Variants in SIN3B observed in about 807,000 individuals in gnomAD.
SIN3B encodes the protein paired amphipathic helix protein Sin3b.
In SIN3B, 19 loss-of-function variants were observed where a neutral mutation model predicts 120.2. That is an observed-to-expected ratio of 0.16 (90% CI 0.11 to 0.23). The LOEUF is 0.23. Among genes scored for constraint, SIN3B ranks in the 10% least tolerant of loss-of-function variants. The probability of loss-of-function intolerance (pLI) is 1.00; values close to 1 mark genes in which losing one functional copy is unlikely to be tolerated. For missense variants in SIN3B, 1,073 were observed against 1,573.0 expected, an observed-to-expected ratio of 0.68 and a Z score of 5.38; for synonymous variants, 654 against 653.2, an observed-to-expected ratio of 1.00 and a Z score of -0.02.
chr19:16,878,635 C>T lies in SIN3B; in HGVS notation c.3301C>T (p.Pro1101Ser), dbSNP rs759707633. 10 of 1,613,418 alleles carry T rather than the reference C, an allele frequency of 6.2e-6. No homozygotes were observed. In the South Asian group the frequency reaches 8.8e-5, roughly 14 times the overall value. The change falls in exon 19 of 19, where the codon CCC (proline) becomes TCC (serine). Residue 1101 changes from proline to serine, a missense_variant. This residue lies in a region of SIN3B where 311 missense variants were observed against 400.3 expected (regional missense o/e 0.78). Transcript: ENST00000248054. ...GGGTGAGGAGGACGAGGACATGGTA[C>T]CCTGCAAGACGCTGTGTGAGACAGT... ...LMGEEDEDMV[P>S]CKTLCETVHV...
intron 8 of SIN3B, among the ~76,000 whole-genome samples, chr19:16,859,701 G>A (rs1009854663): frequency 1.3e-5 from 2 of 152,184 alleles, no homozygotes; most frequent in Admixed American, 6.6e-5. Context: ...TGTTTGTGAC[G>A]TGGGTGGTGG....
At chr19:16,877,662 C>G (rs372146801) in intron 17 of SIN3B, 23 bp downstream of exon 17, 8 of 1,527,402 alleles carry the variant, frequency 5.2e-6, no homozygotes, top group Middle Eastern at 1.8e-4. Flanking sequence ...GAGATGCATG[C>G]TCTGTTCCTT....
At chr19:16,871,857 T>C (rs987291936) in intron 14 of SIN3B, among the ~76,000 whole-genome samples, 3 of 152,250 alleles carry the variant, frequency 2.0e-5, no homozygotes, top group African/African-American at 7.2e-5. Flanking sequence ...TGAGCAATGC[T>C]GCTCTGAACA....
chr19:16,839,795 C>A (rs1971394195), intron 3 of SIN3B, among the ~76,000 whole-genome samples: 1 of 152,152 alleles, frequency 6.6e-6, no homozygotes, highest in African/African-American at 2.4e-5. Flanking sequence ...CCAAGGTGGG[C>A]AGATCACTTG....
At chr19:16,873,561 G>T (rs1349968248) in intron 14 of SIN3B, among the ~76,000 whole-genome samples, 1 of 149,664 alleles carries the variant, frequency 6.7e-6, no homozygotes, top group Non-Finnish European at 1.5e-5. Context: ...ATGGGCCATG[G>T]CTTCGGGGAC....
intron 14 of SIN3B, among the ~76,000 whole-genome samples, chr19:16,874,312 A>G (rs1400626563): frequency 1.3e-5 from 2 of 149,148 alleles, no homozygotes; most frequent in Non-Finnish European, 3.0e-5. Context: ...GGTCTGGTCT[A>G]GTTTTGGTCT....
intron 17 of SIN3B, 53 bp from the exon 18 acceptor site, chr19:16,878,130 C>T: frequency 7.0e-7 from 1 of 1,434,438 alleles, no homozygotes; most frequent in Middle Eastern, 1.8e-4. Flanking sequence ...CCTGCAAATC[C>T]TCCTCCCACA....
At chr19:16,848,410 A>G (rs974783303) in intron 5 of SIN3B, among the ~76,000 whole-genome samples, 10 of 106,038 alleles carry the variant, frequency 9.4e-5, no homozygotes, top group Admixed American at 7.4e-4. Flanking sequence ...GTTGGCCAAC[A>G]TTTGTTCTTT....
chr19:16,844,616 G>A (rs972164323), intron 4 of SIN3B, among the ~76,000 whole-genome samples: 2 of 152,242 alleles, frequency 1.3e-5, no homozygotes, highest in African/African-American at 4.8e-5. Flanking sequence ...GAGTTGCAAA[G>A]TGTGATGGGA....
At position 16,876,246 on chromosome 19, in the gene SIN3B, G is replaced by T; in HGVS notation, c.2766+18G>T. On this transcript the variant is annotated intron_variant, in intron 15 of 18. Coordinates refer to ENST00000248054, the MANE Select transcript of SIN3B (RefSeq NM_001297595.2). This position sits in a 1 kb window ranked among gnomAD's most constrained non-coding sequence, Gnocchi z 7.1. ...GCTTCAAGGTGAGAGGAGGCCTGGG[G>T]CTGGGAACACGCCGGGAGGCCCGGC... is the stretch of plus-strand genomic sequence containing the variant. 6.2e-7 allele frequency: 1 copy of T among 1,601,334 alleles called. No homozygotes were observed. The highest frequency in any genetic ancestry group is 8.5e-7 in the Non-Finnish European group (1 of 1,171,646).
At position 16,846,939 on chromosome 19, in the gene SIN3B, G is replaced by A. The variant is rs767986441; in HGVS notation, c.583-31G>A. 15 of 1,609,128 alleles carry A rather than the reference G, an allele frequency of 9.3e-6. No individual in the cohort carries two copies. The African/African-American group carries it at 9.3e-5, about 10-fold the overall frequency. On this transcript the variant is annotated intron_variant, in intron 4 of 18. Coordinates refer to ENST00000248054, the MANE Select transcript of SIN3B (RefSeq NM_001297595.2). ...CAGGGCACAGCACTCCTTGACTAAC[G>A]ACTTATTTTCCCTTTCCTGAAAACT... is the stretch of plus-strand genomic sequence containing the variant.
chr19:16,829,851 A>G lies in SIN3B; in HGVS notation c.181A>G (p.Thr61Ala). 1 of 1,613,508 alleles carries G rather than the reference A, an allele frequency of 6.2e-7. No homozygotes were observed. The highest frequency in any genetic ancestry group is 8.5e-7 in the Non-Finnish European group (1 of 1,179,716). ...VKIRFGSDPA[T>A]YNGFLEIMKE... ...GATCCGCTTTGGCAGCGACCCTGCC[A>G]CCTACAACGGCTTCCTGGAGATCAT... Residue 61 changes from threonine to alanine, a missense_variant, in exon 2 of 19, where the codon ACC (threonine) becomes GCC (alanine). Physicochemically the swap from Thr to Ala is moderately conservative, Grantham distance 58. Transcript: ENST00000248054.
At position 16,879,444 on chromosome 19, in the gene SIN3B, C is replaced by A. The variant is rs1290972895; in HGVS notation, c.*717C>A. On this transcript the variant is annotated 3_prime_UTR_variant, in exon 19 of 19. Transcript: ENST00000248054. Reference sequence around the variant, plus strand: ...GGCCCACAAGGGGAGGGACCCCAGCCAGTATTCCCTCAGAGCCGGCACGAC... The same window carrying A: ...GGCCCACAAGGGGAGGGACCCCAGCAAGTATTCCCTCAGAGCCGGCACGAC... 1.3e-5 allele frequency: 2 copies of A among 152,492 alleles called. No homozygotes were observed. The highest frequency in any genetic ancestry group is 2.1e-4 in the South Asian group (1 of 4,836). 9.4% of individuals were successfully genotyped at this position (152,492 alleles called of 1,614,324 possible).
intron 5 of SIN3B, among the ~76,000 whole-genome samples, chr19:16,847,967 G>A (rs1406444952): frequency 4.6e-5 from 7 of 152,144 alleles, no homozygotes; most frequent in South Asian, 2.1e-4. Context: ...GATTTGATTC[G>A]CCCATTCTGG....
At chr19:16,845,065 A>G (rs1971463077) in intron 4 of SIN3B, among the ~76,000 whole-genome samples, 2 of 152,158 alleles carry the variant, frequency 1.3e-5, no homozygotes, top group African/African-American at 4.8e-5. Flanking sequence ...CAGAAAATTC[A>G]CCTCATGCTC....
Position 16,865,397 on chromosome 19 carries a change from T to A in SIN3B, c.1384-13T>A. 4 of 1,553,400 alleles carry A rather than the reference T, an allele frequency of 2.6e-6. No individual in the cohort carries two copies. The South Asian group carries it at 4.4e-5, about 17-fold the overall frequency. On this transcript the variant is annotated splice_polypyrimidine_tract_variant and intron_variant, in intron 10 of 18. Coordinates refer to ENST00000248054, the MANE Select transcript of SIN3B (RefSeq NM_001297595.2). ...CCCCAGTGGCTGACCCCGTCCTGCCTTCCTTTCCATAGTTAGACGTTGTCC... is the reference window on the plus strand; with the variant it reads ...CCCCAGTGGCTGACCCCGTCCTGCCATCCTTTCCATAGTTAGACGTTGTCC...
intron 4 of SIN3B, among the ~76,000 whole-genome samples, chr19:16,843,218 C>G (rs567281375): frequency 1.3e-5 from 2 of 152,218 alleles, no homozygotes; most frequent in African/African-American, 2.4e-5. Flanking sequence ...CTGCCTCAGC[C>G]TCCTGAGCAG....
intron 8 of SIN3B, among the ~76,000 whole-genome samples, chr19:16,857,577 C>T (rs1971634485): frequency 8.3e-6 from 1 of 120,112 alleles, no homozygotes; most frequent in African/African-American, 3.0e-5. Flanking sequence ...AAACATTTTT[C>T]TAATGTAAAA....
At chr19:16,830,872 G>A (rs1183696772) in intron 2 of SIN3B, among the ~76,000 whole-genome samples, 1 of 152,236 alleles carries the variant, frequency 6.6e-6, no homozygotes, top group Non-Finnish European at 1.5e-5. Context: ...TTGGCCTCCT[G>A]CCATTTCTTG....
Sources: allele counts gnomAD v4.1 joint callset (sites outside exome capture counted in the v4.1 genomes callset), GRCh38; gene constraint gnomAD v4.1.1; regional missense constraint gnomAD v4.1.1; non-coding constraint Gnocchi (gnomAD v3.1); transcripts MANE v1.5; gene names NCBI Gene and HGNC (gene_info 2026-07-23, HGNC 2026-07-21).